Variants in DDI2 observed in about 807,000 individuals in gnomAD.
DDI2 encodes DDI proteasomal shuttling factor 2.
A neutral mutation model predicts 48.1 loss-of-function variants in DDI2; 5 were observed. The ratio of observed to expected loss-of-function variants is 0.10; its 90% CI spans 0.05 to 0.22. The LOEUF (loss-of-function observed/expected upper bound fraction) is 0.22, where lower values mean the gene tolerates loss of function less well. Ranked by LOEUF, DDI2 falls within the 10% of genes least tolerant of loss-of-function variation. The pLI is 1.00. For synonymous variants in DDI2, 205 were observed against 183.6 expected, an observed-to-expected ratio of 1.12 and a Z score of -0.94; for missense variants, 285 against 506.2, an observed-to-expected ratio of 0.56 and a Z score of 4.19.
intron 8 of DDI2, chr1:15,656,284 A>AATG: frequency 1.7e-6 from 1 of 594,750 alleles, no homozygotes; most frequent in Non-Finnish European, 2.4e-6. Context: ...TTACTCCATA[A>AATG]GATTTTTTTA....
rs200911647 is a variant in DDI2, at chr1:15,661,264, T to C, written c.*1474T>C. The C allele has an allele frequency of 2.8e-5, 45 of 1,614,016 alleles. No individual in the cohort carries two copies. Among genetic ancestry groups the C allele is most frequent in the Non-Finnish European group, 3.4e-5 (40 of 1,180,016 alleles). ...GGAAGGTGTCCCCAAATCTAGGGAATCCATAAATAAGAACCGTTCTGTCAC... is the reference window on the plus strand; with the variant it reads ...GGAAGGTGTCCCCAAATCTAGGGAACCCATAAATAAGAACCGTTCTGTCAC... On this transcript the variant is annotated 3_prime_UTR_variant, in exon 10 of 10. Coordinates refer to ENST00000480945, the MANE Select transcript of DDI2 (RefSeq NM_032341.5).
At chr1:15,623,387 C>CTTTT (rs777821777) in intron 1 of DDI2, among the ~76,000 whole-genome samples, 18 of 107,470 alleles carry the variant, frequency 1.7e-4, no homozygotes, top group South Asian at 3.2e-4. Flanking sequence ...TTTTCTTCTT[C>CTTTT]TTTTTTTTTT....
In DDI2 at chr1:15,660,541, G is replaced by A. The variant is rs748673099; in HGVS notation, c.*751G>A. The A allele has an allele frequency of 5.0e-6, 8 of 1,613,174 alleles. No homozygotes were observed. In the South Asian group the frequency reaches 8.8e-5, roughly 18 times the overall value. On this transcript the variant is annotated 3_prime_UTR_variant, in exon 10 of 10. Coordinates refer to ENST00000480945, the MANE Select transcript of DDI2 (RefSeq NM_032341.5). ...GAAAGGAAATGGGCTCCCACAGAATGTGGATCCTCCAAGTGCGAAGAAAAG... is the reference window on the plus strand; with the variant it reads ...GAAAGGAAATGGGCTCCCACAGAATATGGATCCTCCAAGTGCGAAGAAAAG...
chr1:15,634,113 G>A (rs11808281), intron 4 of DDI2: 3,824 of 202,610 alleles, frequency 0.019, 151 homozygotes, highest in African/African-American at 0.084. Context: ...TCTGTAATGC[G>A]GTGGTTCTCA....
At chr1:15,618,723 A>C (rs981448314) in intron 1 of DDI2, among the ~76,000 whole-genome samples, 14 of 152,252 alleles carry the variant, frequency 9.2e-5, no homozygotes, top group African/African-American at 3.4e-4. Context: ...AATCGGTGAC[A>C]CTAACGCTGT....
chr1:15,646,905 C>T (rs1363488102), intron 6 of DDI2, among the ~76,000 whole-genome samples: 1 of 152,066 alleles, frequency 6.6e-6, no homozygotes, highest in Non-Finnish European at 1.5e-5. Flanking sequence ...CCTTAAATTC[C>T]TGTAGTGAGA....
chr1:15,636,029 T>A (rs1639921717), intron 4 of DDI2, among the ~76,000 whole-genome samples: 1 of 152,230 alleles, frequency 6.6e-6, no homozygotes, highest in Non-Finnish European at 1.5e-5. Flanking sequence ...TTTGACTTTC[T>A]GAGTTTAAAT....
intron 2 of DDI2, among the ~76,000 whole-genome samples, chr1:15,629,564 T>C (rs1639810793): frequency 6.9e-6 from 1 of 144,366 alleles, no homozygotes; most frequent in African/African-American, 2.6e-5. Context: ...GCCATTGCAC[T>C]CCAATCTGGG....
chr1:15,623,572 A>C (rs749768781), intron 1 of DDI2, among the ~76,000 whole-genome samples: 2,554 of 87,622 alleles, frequency 0.029, 34 homozygotes, highest in African/African-American at 0.056. Flanking sequence ...TATTATTATT[A>C]TTATTATTAT....
At chr1:15,617,953 G>C (rs1473220164) in intron 1 of DDI2, 145 bp downstream of exon 1, 1 of 1,244,622 alleles carries the variant, frequency 8.0e-7, no homozygotes. Context: ...CATCCGGAAA[G>C]GAGCTGGGGA....
intron 1 of DDI2, 131 bp downstream of exon 1, chr1:15,617,939 C>G (rs780332300): frequency 8.4e-6 from 11 of 1,312,794 alleles, no homozygotes; most frequent in Non-Finnish European, 9.9e-6. Flanking sequence ...TCAGGTCACC[C>G]CCGCATCCGG....
At chr1:15,650,831 A>G (rs1450072674) in intron 7 of DDI2, among the ~76,000 whole-genome samples, 1 of 152,194 alleles carries the variant, frequency 6.6e-6, no homozygotes, top group Non-Finnish European at 1.5e-5. Context: ...CATATTGATA[A>G]TAAGACACAG....
At chr1:15,626,569 AAGG>A in intron 1 of DDI2, 97 bp from the exon 2 acceptor site, 1 of 1,528,812 alleles carries the variant, frequency 6.5e-7, no homozygotes, top group Non-Finnish European at 8.9e-7. Context: ...GAGGGTTTGA[AAGG>A]AGGGTGACAT....
chr1:15,642,177 C>T (rs1353897187), intron 5 of DDI2, among the ~76,000 whole-genome samples: 1 of 152,096 alleles, frequency 6.6e-6, no homozygotes, highest in East Asian at 1.9e-4. Flanking sequence ...TTGGCTTTGA[C>T]AGAAATGTCC....
chr1:15,625,188 A>G (rs2103462140), intron 1 of DDI2, among the ~76,000 whole-genome samples: 1 of 152,298 alleles, frequency 6.6e-6, no homozygotes, highest in Non-Finnish European at 1.5e-5. Flanking sequence ...TAGCAGAGAG[A>G]ACTGGAAGGG....
chr1:15,664,575 G>A lies in DDI2; in HGVS notation c.*4785G>A, dbSNP rs999328363. On this transcript the variant is annotated 3_prime_UTR_variant, in exon 10 of 10. Coordinates refer to ENST00000480945, the MANE Select transcript of DDI2 (RefSeq NM_032341.5). ...AGCTTTTATTCAATTAAGAGCTCCA[G>A]AAATGCAGAAATTATGGGTTAACTT... is the stretch of plus-strand genomic sequence containing the variant. The A allele has an allele frequency of 1.3e-5, 2 of 152,162 alleles. No individual in the cohort carries two copies. The highest frequency in any genetic ancestry group is 4.8e-5 in the African/African-American group (2 of 41,432). 9.4% of individuals were successfully genotyped at this position (152,162 alleles called of 1,614,324 possible).
chr1:15,655,582 A>G (rs1215584228), intron 8 of DDI2, among the ~76,000 whole-genome samples: 2 of 151,978 alleles, frequency 1.3e-5, no homozygotes, highest in Non-Finnish European at 2.9e-5. Flanking sequence ...GTGAAACCTC[A>G]TCTCTACTAA....
intron 3 of DDI2, among the ~76,000 whole-genome samples, chr1:15,631,244 A>C (rs1156333779): frequency 6.6e-6 from 1 of 152,260 alleles, no homozygotes; most frequent in Non-Finnish European, 1.5e-5. Context: ...CCTGTATGGC[A>C]AAATGGAATC....
intron 1 of DDI2, among the ~76,000 whole-genome samples, chr1:15,620,739 C>T (rs995141281): frequency 3.9e-5 from 6 of 152,044 alleles, no homozygotes; most frequent in East Asian, 1.9e-4. Context: ...TATATATGGC[C>T]ACATGTGCAT....
Sources: gnomAD v4.1 joint callset for allele counts (sites outside exome capture counted in the v4.1 genomes callset) on GRCh38, gnomAD v4.1.1 for gene constraint, MANE v1.5 for transcripts, NCBI Gene and HGNC (gene_info 2026-07-23, HGNC 2026-07-21) for gene names.